SIK3: variants seen among roughly 807,000 people sequenced by gnomAD.
The protein encoded by SIK3 is SIK family kinase 3, also known as serine/threonine-protein kinase SIK3.
SIK3 carries 28 observed loss-of-function variants against 144.2 expected under a neutral mutation model. The observed-to-expected ratio is 0.19, with a 90% CI of 0.14 to 0.27. SIK3 has a LOEUF of 0.27. SIK3 is among the 10% of genes least tolerant of loss of function. SIK3 has a pLI of 1.00. For synonymous variants in SIK3, 686 were observed against 676.3 expected, an observed-to-expected ratio of 1.01 and a Z score of -0.22; for missense variants, 1,319 against 1,776.0, an observed-to-expected ratio of 0.74 and a Z score of 4.62.
chr11:116,927,189 CCTAT>C (rs1176028530), intron 4 of SIK3, 26 bp downstream of exon 4: 1 of 1,575,256 alleles, frequency 6.3e-7, no homozygotes, highest in Non-Finnish European at 8.7e-7. Flanking sequence ...CTCCTTTGTC[CCTAT>C]CTGACATCCT....
chr11:117,015,380 C>G (rs7119185), intron 1 of SIK3, among the ~76,000 whole-genome samples: 1 of 151,868 alleles, frequency 6.6e-6, no homozygotes, highest in Admixed American at 6.6e-5. Flanking sequence ...TGGTGAGTAC[C>G]TTAAACTGCT....
intron 1 of SIK3, among the ~76,000 whole-genome samples, chr11:117,060,392 T>C (rs1953738779): frequency 6.6e-6 from 1 of 151,148 alleles, no homozygotes; most frequent in East Asian, 1.9e-4. Context: ...AGATCAGGAG[T>C]TCGAGACCAA....
At chr11:116,957,340 A>T (rs1949176383) in intron 1 of SIK3, among the ~76,000 whole-genome samples, 1 of 152,152 alleles carries the variant, frequency 6.6e-6, no homozygotes, top group East Asian at 1.9e-4. Flanking sequence ...AAAATACTTT[A>T]TTACTCCATA....
At chr11:116,920,110 C>T (rs912733879) in intron 4 of SIK3, among the ~76,000 whole-genome samples, 2 of 151,252 alleles carry the variant, frequency 1.3e-5, no homozygotes, top group Non-Finnish European at 2.9e-5. Context: ...CCTGCCTTCT[C>T]GGGGAGACTC....
intron 1 of SIK3, among the ~76,000 whole-genome samples, chr11:117,080,294 G>C (rs1954729080): frequency 1.3e-5 from 2 of 151,034 alleles, no homozygotes; most frequent in African/African-American, 4.9e-5. Context: ...TGAGTGAATT[G>C]GCATGGCCTT....
intron 4 of SIK3, among the ~76,000 whole-genome samples, chr11:116,901,608 ACTTT>A (rs1945744294): frequency 6.6e-6 from 1 of 152,138 alleles, no homozygotes; most frequent in Non-Finnish European, 1.5e-5. Flanking sequence ...CTCTGTCTGT[ACTTT>A]CTTTCCCTTT....
chr11:117,093,500 T>C (rs1955336337), intron 1 of SIK3, among the ~76,000 whole-genome samples: 1 of 152,200 alleles, frequency 6.6e-6, no homozygotes, highest in African/African-American at 2.4e-5. Flanking sequence ...TTCTTAAATA[T>C]TTCACTTAAA....
Position 116,930,085 on chromosome 11 carries a change from C to CT in SIK3, c.455-2706dup, listed in dbSNP as rs767404837. On this transcript the variant is annotated intron_variant, in intron 3 of 24. Transcript: ENST00000445177. ...CTAAATACACTTACGGAACAAATCACTTTTTTTTTTTAAAGTGTTCACATT... is the reference window on the plus strand; with the variant it reads ...CTAAATACACTTACGGAACAAATCACTTTTTTTTTTTTAAAGTGTTCACATT... 8.0e-3 allele frequency among the ~76,000 whole-genome samples: 1,183 copies of CT among 147,540 alleles called. 26 individuals are homozygous for CT. Among genetic ancestry groups the CT allele is most frequent in the East Asian group, 0.073 (371 of 5,066 alleles).
chr11:116,878,737 CAT>C (rs1944393590), intron 6 of SIK3, among the ~76,000 whole-genome samples: 1 of 152,194 alleles, frequency 6.6e-6, no homozygotes, highest in African/African-American at 2.4e-5. Context: ...AGTTTTTGCA[CAT>C]GTTTAACACA....
intron 4 of SIK3, among the ~76,000 whole-genome samples, chr11:116,923,344 GA>G (rs1392539614): frequency 2.0e-5 from 3 of 152,140 alleles, no homozygotes; most frequent in Non-Finnish European, 2.9e-5. Flanking sequence ...AAAAGATCAG[GA>G]ATCTGAAAGT....
At chr11:117,023,085 T>C (rs905216137) in intron 1 of SIK3, among the ~76,000 whole-genome samples, 1 of 152,176 alleles carries the variant, frequency 6.6e-6, no homozygotes, top group African/African-American at 2.4e-5. Flanking sequence ...ATAACTAGTG[T>C]GGGCTAAACA....
At chr11:116,990,922 C>T (rs1368239159) in intron 1 of SIK3, among the ~76,000 whole-genome samples, 1 of 152,164 alleles carries the variant, frequency 6.6e-6, no homozygotes, top group Non-Finnish European at 1.5e-5. Context: ...AAGCTGTTAC[C>T]ACAAAATAAT....
Position 117,054,530 on chromosome 11 carries a change from C to T in SIK3, c.273+43613G>A, listed in dbSNP as rs140630200. Among the ~76,000 whole-genome samples the T allele has an allele frequency of 8.5e-5, 13 of 152,242 alleles. 2 individuals carry two copies. Among genetic ancestry groups the T allele is most frequent in the African/African-American group, 2.9e-4 (12 of 41,536 alleles). On this transcript the variant is annotated intron_variant, in intron 1 of 24. Transcript: ENST00000445177. ...TAAAGATAACTCAGGATGAAAGGTA[C>T]AAGATGGCCAAGAGGCCAGGAGAGC...
intron 6 of SIK3, among the ~76,000 whole-genome samples, chr11:116,881,401 C>T (rs1008400214): frequency 3.3e-5 from 5 of 152,296 alleles, no homozygotes; most frequent in Admixed American, 2.0e-4. Flanking sequence ...AGAGGATGTT[C>T]AGCACAGGCC....
At chr11:116,990,307 T>C (rs1054785288) in intron 1 of SIK3, among the ~76,000 whole-genome samples, 2 of 152,160 alleles carry the variant, frequency 1.3e-5, no homozygotes, top group African/African-American at 4.8e-5. Flanking sequence ...TGTCTAGACC[T>C]GAGGAGGAGT....
chr11:117,031,091 A>T (rs1952237586), intron 1 of SIK3, among the ~76,000 whole-genome samples: 1 of 152,180 alleles, frequency 6.6e-6, no homozygotes, highest in Non-Finnish European at 1.5e-5. Context: ...ATTTTCTCCC[A>T]GTCTGTAGTT....
intron 4 of SIK3, among the ~76,000 whole-genome samples, chr11:116,903,633 G>A (rs1443581431): frequency 6.6e-6 from 1 of 152,222 alleles, no homozygotes; most frequent in Non-Finnish European, 1.5e-5. Flanking sequence ...CCAGATGGGA[G>A]TGCAGTGGCA....
chr11:116,994,627 A>C, intron 1 of SIK3, among the ~76,000 whole-genome samples: 1 of 152,138 alleles, frequency 6.6e-6, no homozygotes, highest in Non-Finnish European at 1.5e-5. Context: ...TTAGCTAATT[A>C]ATCTCCTCAT....
intron 4 of SIK3, among the ~76,000 whole-genome samples, chr11:116,898,616 C>A (rs2134793999): frequency 6.6e-6 from 1 of 151,182 alleles, no homozygotes; most frequent in African/African-American, 2.4e-5. Flanking sequence ...TCCTATTTCT[C>A]CACATCCTCT....
Sources: allele counts gnomAD v4.1 joint callset (sites outside exome capture counted in the v4.1 genomes callset), GRCh38; gene constraint gnomAD v4.1.1; transcripts MANE v1.5; gene names NCBI Gene and HGNC (gene_info 2026-07-23, HGNC 2026-07-21).